The following SPON1 variants were observed in gnomAD, a reference collection of about 807,000 sequenced individuals.
The protein encoded by SPON1 is spondin-1.
Under a neutral mutation model 111.7 loss-of-function variants are expected in SPON1, and 52 were observed. The ratio of observed to expected loss-of-function variants is 0.47; its 90% CI spans 0.37 to 0.59. The LOEUF (loss-of-function observed/expected upper bound fraction) is 0.59, where lower values mean the gene tolerates loss of function less well. Among genes scored for constraint, SPON1 ranks in the 20% least tolerant of loss-of-function variants. SPON1 has a pLI of 0.00. For synonymous variants in SPON1, 410 were observed against 395.8 expected (o/e 1.04, Z -0.43); for missense variants, 957 against 1,068.5 (o/e 0.90, Z 1.46).
Position 14,259,075 on chromosome 11 carries a change from A to T in SPON1, c.1493-205A>T, listed in dbSNP as rs1369456175. Among the ~76,000 whole-genome samples the T allele has an allele frequency of 6.6e-6, 1 of 152,250 alleles. No individual in the cohort carries two copies. Among genetic ancestry groups the T allele is most frequent in the African/African-American group, 2.4e-5 (1 of 41,480 alleles). Reference sequence around the variant, plus strand: ...AATGTATTTTCATGAGATAAAGAGTAATTCTGAGTGTCCCATGCACCTGGA... The same window carrying T: ...AATGTATTTTCATGAGATAAAGAGTTATTCTGAGTGTCCCATGCACCTGGA... On this transcript the variant is annotated intron_variant, in intron 11 of 15. Coordinates refer to ENST00000576479, the MANE Select transcript of SPON1 (RefSeq NM_006108.4). The surrounding 1 kb of genome is among the most constrained non-coding windows in gnomAD (Gnocchi z 5.0).
At chr11:14,239,921 T>G (rs1413271231) in intron 6 of SPON1, among the ~76,000 whole-genome samples, 1 of 152,174 alleles carries the variant, frequency 6.6e-6, no homozygotes, top group Non-Finnish European at 1.5e-5. Context: ...GAGTAGAAAT[T>G]AGTACAGACA....
At chr11:14,263,315 CTCAAAG>C (rs1175765235) in intron 15 of SPON1, among the ~76,000 whole-genome samples, 1 of 152,156 alleles carries the variant, frequency 6.6e-6, no homozygotes, top group East Asian at 1.9e-4. Flanking sequence ...TCCAACTTTG[CTCAAAG>C]TCAGTTATGA....
chr11:14,169,968 T>C (rs1158641805), intron 6 of SPON1, among the ~76,000 whole-genome samples: 1 of 152,236 alleles, frequency 6.6e-6, no homozygotes, highest in Non-Finnish European at 1.5e-5. Context: ...AGGATTGACT[T>C]GGCAATGTGA....
At chr11:13,996,635 A>G (rs1432154299) in intron 2 of SPON1, among the ~76,000 whole-genome samples, 1 of 152,234 alleles carries the variant, frequency 6.6e-6, no homozygotes, top group African/African-American at 2.4e-5. Flanking sequence ...GTCATTTTAT[A>G]ATCTAGAGAT....
intron 3 of SPON1, among the ~76,000 whole-genome samples, chr11:14,067,893 G>A (rs2697826): frequency 0.2 from 30,319 of 152,052 alleles, 3,189 homozygotes; most frequent in Middle Eastern, 0.31. Context: ...AACAGATTAC[G>A]TCACTCTCCT....
intron 15 of SPON1, 55 bp downstream of exon 15, chr11:14,263,030 C>T (rs1849207744): frequency 6.8e-7 from 1 of 1,461,792 alleles, no homozygotes; most frequent in African/African-American, 1.5e-5. Context: ...GGGTTCTGCA[C>T]TGGGCTAAGT....
At chr11:14,206,197 T>C (rs1848515397) in intron 6 of SPON1, among the ~76,000 whole-genome samples, 1 of 152,178 alleles carries the variant, frequency 6.6e-6, no homozygotes, top group Non-Finnish European at 1.5e-5. Context: ...CTCTGATGGT[T>C]ACTTTTTCTT....
At chr11:14,066,950 C>A (rs571362072) in intron 3 of SPON1, among the ~76,000 whole-genome samples, 20 of 152,038 alleles carry the variant, frequency 1.3e-4, no homozygotes, top group Non-Finnish European at 1.9e-4. Context: ...CCTAGGCAAG[C>A]GGATCACTTG....
rs143266286 is a variant in SPON1, at chr11:14,130,025, C to T, written c.677-5395C>T. The stretch of plus-strand genomic sequence containing the variant: ...CCTGTGACATGTGGGAATTACAACT[C>T]GGGATGAAATTCAGGTCAATAGTCA... On this transcript the variant is annotated intron_variant, in intron 5 of 15. Transcript: ENST00000576479. 2.7e-3 allele frequency among the ~76,000 whole-genome samples: 412 copies of T among 152,272 alleles called. 1 individual carries two copies. Among genetic ancestry groups the T allele is most frequent in the Non-Finnish European group, 5.2e-3 (354 of 68,018 alleles).
At chr11:14,056,837 G>A (rs984124644) in intron 3 of SPON1, among the ~76,000 whole-genome samples, 3 of 152,178 alleles carry the variant, frequency 2.0e-5, no homozygotes, top group African/African-American at 7.2e-5. Context: ...CTTGCAGTAA[G>A]CGGAGATCGC....
rs533970625 is a variant in SPON1, at chr11:14,170,037, T to G, written c.825+34469T>G. 4.6e-5 allele frequency among the ~76,000 whole-genome samples: 7 copies of G among 151,922 alleles called. No individual in the cohort carries two copies. The South Asian group carries it at 1.2e-3, about 27-fold the overall frequency. The stretch of plus-strand genomic sequence containing the variant: ...GTTTTTTCCAATTCTGTGAAGAAAG[T>G]CATTGGTAGCTTGATGGGGATGGCA... On this transcript the variant is annotated intron_variant, in intron 6 of 15. Transcript: ENST00000576479.
rs563339895 is a variant in SPON1 at position 14,216,782 on chromosome 11, G to A, written c.826-26550G>A. 3.9e-5 allele frequency among the ~76,000 whole-genome samples: 6 copies of A among 152,222 alleles called. No individual in the cohort carries two copies. In the South Asian group the frequency reaches 1.2e-3, roughly 32 times the overall value. ...TTATTGGACCCCACCTCCCAACAAG[G>A]TTGCATTGGAAATTAAGTTTCCAAC... On this transcript the variant is annotated intron_variant, in intron 6 of 15. Transcript: ENST00000576479.
intron 8 of SPON1, among the ~76,000 whole-genome samples, chr11:14,255,320 A>G (rs1849093942): frequency 6.6e-6 from 1 of 152,210 alleles, no homozygotes; most frequent in Non-Finnish European, 1.5e-5. Flanking sequence ...GCCCTTTACT[A>G]AAAAAGTTTT....
intron 2 of SPON1, among the ~76,000 whole-genome samples, chr11:14,020,910 G>C (rs1554914742): frequency 6.6e-6 from 1 of 152,138 alleles, no homozygotes; most frequent in African/African-American, 2.4e-5. Flanking sequence ...GCTATAGTGA[G>C]GAATAAGGAT....
chr11:14,186,343 G>T (rs778664544), intron 6 of SPON1, among the ~76,000 whole-genome samples: 5 of 152,228 alleles, frequency 3.3e-5, no homozygotes, highest in Non-Finnish European at 7.3e-5. Context: ...ATCAGGAGAG[G>T]CTGTATAGAA....
intron 6 of SPON1, among the ~76,000 whole-genome samples, chr11:14,192,671 C>CA (rs1279930337): frequency 1.3e-5 from 2 of 151,838 alleles, no homozygotes; most frequent in African/African-American, 2.4e-5. Flanking sequence ...TGAAATCAGG[C>CA]AAAAAAACAG....
intron 6 of SPON1, among the ~76,000 whole-genome samples, chr11:14,191,939 T>A (rs2133892186): frequency 6.6e-6 from 1 of 152,344 alleles, no homozygotes; most frequent in Non-Finnish European, 1.5e-5. Context: ...CATGAAGTTT[T>A]TACAGCCATG....
At chr11:14,180,563 C>T (rs558825879) in intron 6 of SPON1, among the ~76,000 whole-genome samples, 47 of 152,290 alleles carry the variant, frequency 3.1e-4, no homozygotes, top group Non-Finnish European at 6.5e-4. Context: ...GAGAGTCTAA[C>T]GTAGAAGCTC....
At chr11:14,137,263 C>A (rs1380063060) in intron 6 of SPON1, among the ~76,000 whole-genome samples, 1 of 152,212 alleles carries the variant, frequency 6.6e-6, no homozygotes, top group Non-Finnish European at 1.5e-5. Flanking sequence ...CCCACCACCA[C>A]CACTGCCAGC....
Sources: allele counts gnomAD v4.1 joint callset (sites outside exome capture counted in the v4.1 genomes callset), GRCh38; gene constraint gnomAD v4.1.1; non-coding constraint Gnocchi (gnomAD v3.1); transcripts MANE v1.5; gene names NCBI Gene and HGNC (gene_info 2026-07-23, HGNC 2026-07-21).